ULK4: variants seen among roughly 807,000 people sequenced by gnomAD.
ULK4 encodes unc-51 like kinase 4.
In ULK4, 133 loss-of-function variants were observed where a neutral mutation model predicts 160.6. The observed-to-expected ratio is 0.83, with a 90% CI of 0.72 to 0.96. The LOEUF is 0.96. ULK4 is among the 40% of genes least tolerant of loss of function. ULK4 has a pLI of 0.00. For missense variants in ULK4, 1,580 were observed against 1,499.5 expected (o/e 1.05, Z -0.89); for synonymous variants, 534 against 539.8 (o/e 0.99, Z 0.15).
At position 41,817,482 on chromosome 3, in the gene ULK4, G is replaced by A. The variant is rs1395563286; in HGVS notation, c.1848+1941C>T. Among the ~76,000 whole-genome samples the A allele has an allele frequency of 2.0e-5, 3 of 152,286 alleles. No homozygotes were observed. The East Asian group carries it at 5.8e-4, about 29-fold the overall frequency. ...TCATGTTCTTTGCAACAACATGGAT[G>A]CAGCTGGAAGCCATTATCCTAAACA... is the stretch of plus-strand genomic sequence containing the variant. On this transcript the variant is annotated intron_variant, in intron 19 of 36. Transcript: ENST00000301831.
intron 22 of ULK4, among the ~76,000 whole-genome samples, chr3:41,724,351 T>C (rs1321599210): frequency 2.0e-5 from 3 of 152,176 alleles, no homozygotes; most frequent in Admixed American, 6.5e-5. Flanking sequence ...CATGCCTCGA[T>C]TCAGTTTCAT....
chr3:41,332,306 T>C (rs547727641), intron 35 of ULK4, among the ~76,000 whole-genome samples: 1 of 152,282 alleles, frequency 6.6e-6, no homozygotes, highest in East Asian at 1.9e-4. Context: ...GGGGCTACAA[T>C]AACATTTGTG....
chr3:41,754,133 C>T (rs1470108188), intron 22 of ULK4, among the ~76,000 whole-genome samples: 2 of 152,116 alleles, frequency 1.3e-5, no homozygotes, highest in Non-Finnish European at 2.9e-5. Context: ...GACAGAGAGA[C>T]AAACCATATC....
At chr3:41,853,696 C>A (rs957275057) in intron 17 of ULK4, among the ~76,000 whole-genome samples, 1 of 152,142 alleles carries the variant, frequency 6.6e-6, no homozygotes, top group African/African-American at 2.4e-5. Flanking sequence ...GCCAAAGCAA[C>A]AGTTTTGATT....
At chr3:41,358,421 G>A (rs921318388) in intron 35 of ULK4, among the ~76,000 whole-genome samples, 7 of 152,144 alleles carry the variant, frequency 4.6e-5, no homozygotes, top group African/African-American at 1.7e-4. Context: ...GTGTAAAGGG[G>A]ATAAAGCAAG....
At chr3:41,300,070 G>A (rs1163851033) in intron 35 of ULK4, among the ~76,000 whole-genome samples, 2 of 152,148 alleles carry the variant, frequency 1.3e-5, no homozygotes, top group Admixed American at 6.5e-5. Context: ...AGCAGAAGAA[G>A]AGCACCAGTT....
intron 32 of ULK4, among the ~76,000 whole-genome samples, chr3:41,519,833 A>AT (rs1404143210): frequency 4.6e-5 from 7 of 152,212 alleles, no homozygotes; most frequent in African/African-American, 1.7e-4. Flanking sequence ...TGTAAGTTGC[A>AT]TATGTATCAA....
chr3:41,863,827 C>T (rs542838346), intron 17 of ULK4, among the ~76,000 whole-genome samples: 3 of 151,708 alleles, frequency 2.0e-5, no homozygotes, highest in Non-Finnish European at 4.4e-5. Context: ...AGGTGCAAGA[C>T]AAAGTCCTCC....
chr3:41,712,298 C>A (rs969859079), intron 25 of ULK4, among the ~76,000 whole-genome samples: 1 of 152,116 alleles, frequency 6.6e-6, no homozygotes, highest in Non-Finnish European at 1.5e-5. Context: ...CTCCAGTCTG[C>A]TCCTTAAGAA....
intron 20 of ULK4, among the ~76,000 whole-genome samples, chr3:41,790,183 TA>T (rs1318110593): frequency 2.0e-5 from 3 of 152,218 alleles, no homozygotes; most frequent in Admixed American, 6.5e-5. Context: ...AAAACAGTTG[TA>T]AAAGTGAATA....
intron 35 of ULK4, among the ~76,000 whole-genome samples, chr3:41,339,511 G>A (rs1445358944): frequency 2.0e-5 from 3 of 152,086 alleles, no homozygotes; most frequent in African/African-American, 7.2e-5. Context: ...CCCCTCTCCT[G>A]CTTCTCCCAC....
In ULK4 at chr3:41,754,502, T is replaced by G; in HGVS notation, c.2194-14A>C. 1 of 1,603,582 alleles carries G rather than the reference T, an allele frequency of 6.2e-7. No homozygotes were observed. ...GGAGACAAAACCCTGTAGAAGACAT[T>G]TAAACAATTTTTTGAGAGAACATAA... On this transcript the variant is annotated splice_polypyrimidine_tract_variant and intron_variant, in intron 21 of 36. Coordinates refer to ENST00000301831, the MANE Select transcript of ULK4 (RefSeq NM_017886.4).
At chr3:41,312,103 A>G (rs1256178217) in intron 35 of ULK4, among the ~76,000 whole-genome samples, 1 of 152,008 alleles carries the variant, frequency 6.6e-6, no homozygotes, top group Non-Finnish European at 1.5e-5. Context: ...CCTCCTGATT[A>G]GCTGGGGCTT....
chr3:41,377,640 C>T (rs1234085243), intron 35 of ULK4, among the ~76,000 whole-genome samples: 77 of 145,410 alleles, frequency 5.3e-4, no homozygotes, highest in African/African-American at 1.7e-3. Flanking sequence ...TCATCACTGG[C>T]CATCAGAGAA....
intron 21 of ULK4, among the ~76,000 whole-genome samples, chr3:41,762,728 T>A (rs1441304238): frequency 1.4e-5 from 2 of 146,818 alleles, no homozygotes; most frequent in South Asian, 4.3e-4. Flanking sequence ...AGTGGCATGA[T>A]ATCGGCTCAC....
chr3:41,786,435 T>C (rs2039998656), intron 21 of ULK4, among the ~76,000 whole-genome samples: 1 of 151,554 alleles, frequency 6.6e-6, no homozygotes, highest in South Asian at 2.1e-4. Context: ...ACCCCATCTC[T>C]ACAAAAAAAT....
chr3:41,505,691 C>T (rs576491006), intron 32 of ULK4, among the ~76,000 whole-genome samples: 1 of 152,150 alleles, frequency 6.6e-6, no homozygotes, highest in East Asian at 1.9e-4. Flanking sequence ...AGCTAAACTG[C>T]TTATTAATTT....
At chr3:41,865,815 A>G (rs1696837864) in intron 17 of ULK4, among the ~76,000 whole-genome samples, 2 of 152,206 alleles carry the variant, frequency 1.3e-5, no homozygotes, top group South Asian at 4.1e-4. Flanking sequence ...GTTAAAATAC[A>G]AAACTCAAAA....
intron 35 of ULK4, among the ~76,000 whole-genome samples, chr3:41,305,524 C>T (rs2125714288): frequency 6.6e-6 from 1 of 152,366 alleles, no homozygotes; most frequent in Non-Finnish European, 1.5e-5. Flanking sequence ...ACTCAGTGCT[C>T]AATGTTGCCC....
Sources: gnomAD v4.1 joint callset for allele counts (sites outside exome capture counted in the v4.1 genomes callset) on GRCh38, gnomAD v4.1.1 for gene constraint, MANE v1.5 for transcripts, NCBI Gene and HGNC (gene_info 2026-07-23, HGNC 2026-07-21) for gene names.